Variants in CNTLN observed in about 807,000 individuals in gnomAD.
CNTLN encodes the protein centlein.
CNTLN carries 212 observed loss-of-function variants against 180.0 expected under a neutral mutation model. That is an observed-to-expected ratio of 1.18 (90% confidence interval 1.05 to 1.32). The LOEUF (loss-of-function observed/expected upper bound fraction) is 1.32. Among genes scored for constraint, CNTLN ranks in the 40% most tolerant of loss-of-function variants. The probability of loss-of-function intolerance (pLI) is 0.00; values close to 1 mark genes in which losing one functional copy is unlikely to be tolerated. For synonymous variants in CNTLN, 722 were observed against 563.1 expected (o/e 1.28, Z -3.99); for missense variants, 2,095 against 1,610.9 (o/e 1.30, Z -5.14).
chr9:17,315,844 A>G (rs1211690130), intron 8 of CNTLN, among the ~76,000 whole-genome samples: 1 of 151,928 alleles, frequency 6.6e-6, no homozygotes, highest in Non-Finnish European at 1.5e-5. Context: ...GTTTCTTGAT[A>G]TTGTTGTTTA....
At position 17,484,444 on chromosome 9, in the gene CNTLN, A is replaced by C. The variant is rs766527131; in HGVS notation, c.4005A>C (p.Ser1335=). Residue 1335 remains serine, a synonymous_variant, in exon 24 of 26, where the codon TCA becomes TCC. Transcript: ENST00000380647. ...LAASILNISR[S]DLEEILDTED... is the part of the protein sequence containing the mutation. The stretch of plus-strand genomic sequence containing the variant: ...CTTCTATCCTGAACATTTCACGGTC[A>C]GATTTAGAGGAAATATTAGACACAG... 3 of 1,604,992 alleles carry C rather than the reference A, an allele frequency of 1.9e-6. No individual in the cohort carries two copies. The South Asian group carries it at 3.4e-5, about 18-fold the overall frequency.
chr9:17,428,239 C>T (rs1829211858), intron 18 of CNTLN, among the ~76,000 whole-genome samples: 1 of 151,998 alleles, frequency 6.6e-6, no homozygotes, highest in Non-Finnish European at 1.5e-5. Flanking sequence ...CACTGCCCTG[C>T]AGTACAGAAG....
intron 2 of CNTLN, among the ~76,000 whole-genome samples, chr9:17,194,100 C>G (rs1392517092): frequency 6.6e-6 from 1 of 152,194 alleles, no homozygotes; most frequent in Admixed American, 6.5e-5. Context: ...TGGGCCCGGC[C>G]CACAAAACCA....
In CNTLN at chr9:17,355,523, A is replaced by G. The variant is rs1822765996; in HGVS notation, c.1887-11094A>G. Reference sequence around the variant, plus strand: ...ATCCATAATGAAATCCCATAGTCAGAGATTTATCCTCATGTTTTTCTGTAG... The same window carrying G: ...ATCCATAATGAAATCCCATAGTCAGGGATTTATCCTCATGTTTTTCTGTAG... On this transcript the variant is annotated intron_variant, in intron 12 of 25. Coordinates refer to ENST00000380647, the MANE Select transcript of CNTLN (RefSeq NM_017738.4). Among the ~76,000 whole-genome samples, 4 of 152,264 alleles carry G rather than the reference A, an allele frequency of 2.6e-5. No individual in the cohort carries two copies. In the South Asian group the frequency reaches 8.3e-4, roughly 32 times the overall value.
chr9:17,526,345 A>T, the CNTLN span, among the ~76,000 whole-genome samples: 2 of 152,232 alleles, frequency 1.3e-5, no homozygotes, highest in Admixed American at 1.3e-4. Flanking sequence ...AATTCTCTAA[A>T]CTGTAATTAA....
chr9:17,295,094 C>A (rs1270072633), intron 6 of CNTLN, among the ~76,000 whole-genome samples: 1 of 151,940 alleles, frequency 6.6e-6, no homozygotes, highest in Admixed American at 6.5e-5. Flanking sequence ...CCCCTCACTG[C>A]CGGGCTGGCG....
the CNTLN span, among the ~76,000 whole-genome samples, chr9:17,519,414 T>C: frequency 1.3e-5 from 2 of 152,210 alleles, no homozygotes; most frequent in Admixed American, 6.5e-5. Context: ...TAAAATGTAA[T>C]TAAATAGAAC....
At chr9:17,365,319 A>G (rs1037827002) in intron 12 of CNTLN, among the ~76,000 whole-genome samples, 31 of 152,262 alleles carry the variant, frequency 2.0e-4, no homozygotes, top group Admixed American at 5.9e-4. Flanking sequence ...CCCTTCTGCC[A>G]TGAATGTTAA....
At chr9:17,220,965 A>C (rs996789286) in intron 2 of CNTLN, among the ~76,000 whole-genome samples, 15 of 152,138 alleles carry the variant, frequency 9.9e-5, no homozygotes, top group Admixed American at 2.6e-4. Flanking sequence ...CTATAAATTA[A>C]ACTAATTCCT....
At chr9:17,528,047 G>T in the CNTLN span, among the ~76,000 whole-genome samples, 1 of 151,846 alleles carries the variant, frequency 6.6e-6, no homozygotes, top group Admixed American at 6.6e-5. Context: ...GAGAAGAATA[G>T]ACAAGTCTCC....
the CNTLN span, among the ~76,000 whole-genome samples, chr9:17,516,165 C>T: frequency 6.6e-6 from 1 of 152,136 alleles, no homozygotes; most frequent in African/African-American, 2.4e-5. Context: ...AGAGGCTTAC[C>T]CTGACTACAT....
At chr9:17,413,821 A>G (rs900784360) in intron 16 of CNTLN, among the ~76,000 whole-genome samples, 2 of 152,180 alleles carry the variant, frequency 1.3e-5, no homozygotes, top group African/African-American at 2.4e-5. Context: ...TTTCTTAAAA[A>G]CTAAACTTAC....
intron 12 of CNTLN, among the ~76,000 whole-genome samples, chr9:17,349,473 C>A (rs1174922824): frequency 6.6e-6 from 1 of 152,022 alleles, no homozygotes. Context: ...ACTTCCAAAT[C>A]GAATTTTAAA....
chr9:17,489,596 A>T (rs1370825581), intron 25 of CNTLN, among the ~76,000 whole-genome samples: 4 of 151,846 alleles, frequency 2.6e-5, no homozygotes, highest in Admixed American at 6.6e-5. Context: ...CTTTTGTTTG[A>T]TAGAATGTCA....
chr9:17,526,538 G>C, the CNTLN span, among the ~76,000 whole-genome samples: 5 of 152,144 alleles, frequency 3.3e-5, no homozygotes, highest in Admixed American at 3.3e-4. Context: ...AGATTGATAA[G>C]ACTGATACAA....
At chr9:17,402,897 A>G (rs1292471497) in intron 15 of CNTLN, among the ~76,000 whole-genome samples, 2 of 151,752 alleles carry the variant, frequency 1.3e-5, no homozygotes, top group East Asian at 1.9e-4. Flanking sequence ...ACCAATTCCT[A>G]AAGATATATA....
At chr9:17,325,374 ATGTATGTGTGTGTGTGTGTG>A (rs1350154220) in intron 8 of CNTLN, among the ~76,000 whole-genome samples, 2 of 110,648 alleles carry the variant, frequency 1.8e-5, no homozygotes, top group Admixed American at 1.0e-4. Flanking sequence ...GTGCATGTGT[ATGTATGTGTGTGTGTGTGTG>A]TGTGTGTGTG....
intron 18 of CNTLN, among the ~76,000 whole-genome samples, chr9:17,431,063 A>T (rs1202147260): frequency 6.6e-6 from 1 of 152,002 alleles, no homozygotes; most frequent in Non-Finnish European, 1.5e-5. Flanking sequence ...TTAGCTGTAT[A>T]CCCCAGTAAT....
At chr9:17,523,666 G>A in the CNTLN span, among the ~76,000 whole-genome samples, 261 of 152,264 alleles carry the variant, frequency 1.7e-3, 2 homozygotes, top group African/African-American at 5.9e-3. Flanking sequence ...TTTATTTAAC[G>A]GTAGAACTGA....
Sources: allele counts gnomAD v4.1 joint callset (sites outside exome capture counted in the v4.1 genomes callset), GRCh38; gene constraint gnomAD v4.1.1; transcripts MANE v1.5; gene names NCBI Gene and HGNC (gene_info 2026-07-23, HGNC 2026-07-21).